CADM2: variants seen among roughly 807,000 people sequenced by gnomAD.
CADM2 encodes the protein immunoglobulin superfamily member 4D.
Under a neutral mutation model 49.8 loss-of-function variants are expected in CADM2, and 12 were observed. That is an observed-to-expected ratio of 0.24 (90% CI 0.15 to 0.39). The LOEUF (loss-of-function observed/expected upper bound fraction) is 0.39, where lower values mean the gene tolerates loss of function less well. Among genes scored for constraint, CADM2 ranks in the 10% least tolerant of loss-of-function variants. CADM2 has a pLI of 1.00. For missense variants in CADM2, 378 were observed against 492.3 expected, an observed-to-expected ratio of 0.77 and a Z score of 2.20; for synonymous variants, 214 against 175.4, an observed-to-expected ratio of 1.22 and a Z score of -1.74.
intron 1 of CADM2, among the ~76,000 whole-genome samples, chr3:85,235,764 T>A (rs2042394522): frequency 6.6e-6 from 1 of 152,166 alleles, no homozygotes; most frequent in African/African-American, 2.4e-5. Flanking sequence ...TTGTCTTTTC[T>A]TCTTTAATTT....
At chr3:86,031,812 A>G (rs1178086405) in intron 8 of CADM2, among the ~76,000 whole-genome samples, 1 of 151,790 alleles carries the variant, frequency 6.6e-6, no homozygotes, top group Non-Finnish European at 1.5e-5. Flanking sequence ...GTATTGGTGT[A>G]CATGTCCTCT....
At chr3:86,028,077 G>T (rs961804715) in intron 8 of CADM2, 1 of 149,334 alleles carries the variant, frequency 6.7e-6, no homozygotes, top group Non-Finnish European at 1.5e-5. Flanking sequence ...GGGAGGGATA[G>T]TATTAGGAGG....
intron 1 of CADM2, among the ~76,000 whole-genome samples, chr3:85,523,936 T>C (rs4856579): frequency 0.52 from 78,228 of 151,874 alleles, 23,121 homozygotes; most frequent in East Asian, 0.85. Context: ...AATTGATCAT[T>C]CATTGGTTGT....
Position 85,443,601 on chromosome 3 carries a change from T to C in CADM2, c.62-282921T>C, listed in dbSNP as rs1229302037. Among the ~76,000 whole-genome samples, 3 of 152,160 alleles carry C rather than the reference T, an allele frequency of 2.0e-5. No homozygotes were observed. In the East Asian group the frequency reaches 5.8e-4, roughly 29 times the overall value. On this transcript the variant is annotated intron_variant, in intron 1 of 9. Transcript: ENST00000383699. The stretch of plus-strand genomic sequence containing the variant: ...TTAAATCAACTTTTCTATTTCTCAT[T>C]TTTCATATTTCTTATTACTTGACCG...
chr3:86,001,107 A>G (rs1455569318), intron 8 of CADM2, among the ~76,000 whole-genome samples: 8 of 152,096 alleles, frequency 5.3e-5, no homozygotes, highest in Admixed American at 5.2e-4. Flanking sequence ...GTTTGACTAT[A>G]TGGATGAAAG....
chr3:85,179,003 C>CTA (rs1017717763), intron 1 of CADM2, among the ~76,000 whole-genome samples: 4 of 151,872 alleles, frequency 2.6e-5, no homozygotes, highest in African/African-American at 9.7e-5. Context: ...TCAAATTATA[C>CTA]TATACATCTC....
intron 1 of CADM2, among the ~76,000 whole-genome samples, chr3:85,001,885 C>T (rs533794640): frequency 3.2e-4 from 48 of 152,076 alleles, no homozygotes; most frequent in African/African-American, 1.0e-3. Flanking sequence ...ACTCAGATTT[C>T]GAATAATTAA....
chr3:85,203,855 T>C (rs949846107), intron 1 of CADM2, among the ~76,000 whole-genome samples: 1 of 152,210 alleles, frequency 6.6e-6, no homozygotes, highest in African/African-American at 2.4e-5. Context: ...CTATGTAATA[T>C]GAAATTGCCA....
intron 1 of CADM2, among the ~76,000 whole-genome samples, chr3:85,379,421 G>T (rs182876992): frequency 5.7e-4 from 86 of 152,046 alleles, no homozygotes; most frequent in Non-Finnish European, 9.6e-4. Context: ...TGAAAGTAAA[G>T]GTCAGGTGTT....
chr3:84,967,454 T>C (rs966301093), intron 1 of CADM2, among the ~76,000 whole-genome samples: 4 of 152,130 alleles, frequency 2.6e-5, no homozygotes, highest in African/African-American at 7.2e-5. Flanking sequence ...CAATCTGGAG[T>C]TGTAGGCTTA....
chr3:85,655,785 C>T (rs2065178947), intron 1 of CADM2, among the ~76,000 whole-genome samples: 1 of 152,172 alleles, frequency 6.6e-6, no homozygotes. Context: ...TGTTAAAACA[C>T]AGATTCTTGG....
chr3:85,692,807 A>G (rs949698243), intron 1 of CADM2, among the ~76,000 whole-genome samples: 1 of 152,176 alleles, frequency 6.6e-6, no homozygotes, highest in Non-Finnish European at 1.5e-5. Context: ...CTACTTCAAC[A>G]CTTATCCAAT....
chr3:85,573,749 C>T (rs2062549876), intron 1 of CADM2, among the ~76,000 whole-genome samples: 1 of 152,124 alleles, frequency 6.6e-6, no homozygotes, highest in Non-Finnish European at 1.5e-5. Context: ...TTGTTGAAAG[C>T]TTACAAGTTT....
intron 8 of CADM2, among the ~76,000 whole-genome samples, chr3:86,050,703 A>G (rs554192807): frequency 6.6e-6 from 1 of 152,330 alleles, no homozygotes; most frequent in African/African-American, 2.4e-5. Flanking sequence ...CCAAGGCTTA[A>G]GGCTTGCACC....
chr3:85,070,767 T>G (rs947564735), intron 1 of CADM2, among the ~76,000 whole-genome samples: 14 of 151,854 alleles, frequency 9.2e-5, no homozygotes, highest in African/African-American at 3.4e-4. Context: ...CCGAGGCAGG[T>G]AGATCACGAG....
chr3:85,595,141 G>A (rs2063207138), intron 1 of CADM2, among the ~76,000 whole-genome samples: 1 of 151,986 alleles, frequency 6.6e-6, no homozygotes, highest in African/African-American at 2.4e-5. Context: ...AGGAACTAAT[G>A]CATTTCAGTA....
chr3:85,321,191 G>T (rs2044604680), intron 1 of CADM2, among the ~76,000 whole-genome samples: 1 of 110,464 alleles, frequency 9.1e-6, no homozygotes, highest in African/African-American at 3.4e-5. Flanking sequence ...GAAAGAGAGA[G>T]AGAGAGTGTC....
intron 1 of CADM2, among the ~76,000 whole-genome samples, chr3:85,156,030 C>T (rs1220851824): frequency 6.6e-6 from 1 of 151,912 alleles, no homozygotes; most frequent in Non-Finnish European, 1.5e-5. Flanking sequence ...TTGCCCTGGC[C>T]AAAATTGACA....
chr3:85,554,002 C>A (rs1323282622), intron 1 of CADM2, among the ~76,000 whole-genome samples: 2 of 152,094 alleles, frequency 1.3e-5, no homozygotes, highest in African/African-American at 2.4e-5. Flanking sequence ...ACAAATTGAT[C>A]CATTGATTAT....
Sources: gnomAD v4.1 joint callset for allele counts (sites outside exome capture counted in the v4.1 genomes callset) on GRCh38, gnomAD v4.1.1 for gene constraint, MANE v1.5 for transcripts, NCBI Gene and HGNC (gene_info 2026-07-23, HGNC 2026-07-21) for gene names.